Variants in ITPR1 observed in about 807,000 individuals in gnomAD.
ITPR1 encodes inositol 1,4,5-trisphosphate receptor type 1, also known as inositol 1,4,5-trisphosphate-gated calcium channel ITPR1.
ITPR1 carries 96 observed loss-of-function variants against 318.4 expected under a neutral mutation model. That is an observed-to-expected ratio of 0.30 (90% CI 0.26 to 0.36). The LOEUF (loss-of-function observed/expected upper bound fraction) is 0.36, where lower values mean the gene tolerates loss of function less well. ITPR1 is among the 10% of genes least tolerant of loss of function. The pLI is 1.00. For synonymous variants in ITPR1, 1,312 were observed against 1,289.9 expected (o/e 1.02, Z -0.37); for missense variants, 2,440 against 3,460.2 (o/e 0.71, Z 7.40).
intron 4 of ITPR1, among the ~76,000 whole-genome samples, chr3:4,603,480 A>T (rs2091455340): frequency 6.6e-6 from 1 of 151,928 alleles, no homozygotes; most frequent in Admixed American, 6.6e-5. Flanking sequence ...CCCAGGCTGG[A>T]GTGCAGTGGT....
chr3:4,596,736 C>T (rs1010586534), intron 4 of ITPR1, among the ~76,000 whole-genome samples: 3 of 152,336 alleles, frequency 2.0e-5, no homozygotes, highest in African/African-American at 7.2e-5. Context: ...GGTCTTCCCA[C>T]AGTCACCTTT....
chr3:4,820,602 C>T lies in ITPR1; in HGVS notation c.8028+2360C>T, dbSNP rs191075467. 2.1e-3 allele frequency among the ~76,000 whole-genome samples: 327 copies of T among 152,320 alleles called. 1 individual carries two copies. Among genetic ancestry groups the T allele is most frequent in the Non-Finnish European group, 3.8e-3 (258 of 68,032 alleles). On this transcript the variant is annotated intron_variant, in intron 60 of 61. Transcript: ENST00000649015. ...GGCCTGGGTGTTTGGTGTGCTTTCT[C>T]CATCCACATCATTCTTTGATTATAT...
chr3:4,584,099 G>A (rs1427618792), intron 4 of ITPR1, among the ~76,000 whole-genome samples: 2 of 151,820 alleles, frequency 1.3e-5, no homozygotes, highest in Non-Finnish European at 2.9e-5. Context: ...ACATAATTTT[G>A]CTCACGTTAA....
At chr3:4,620,640 G>A (rs1449663871) in intron 4 of ITPR1, among the ~76,000 whole-genome samples, 1 of 148,958 alleles carries the variant, frequency 6.7e-6, no homozygotes, top group African/African-American at 2.5e-5. Context: ...GGGTTTTGTA[G>A]AAGATGGAGT....
At chr3:4,523,507 A>C (rs1358471896) in intron 4 of ITPR1, among the ~76,000 whole-genome samples, 1 of 151,962 alleles carries the variant, frequency 6.6e-6, no homozygotes, top group African/African-American at 2.4e-5. Flanking sequence ...TGCTGTAGTC[A>C]CTGTGTTGTA....
intron 54 of ITPR1, among the ~76,000 whole-genome samples, chr3:4,803,417 A>G (rs2048365779): frequency 6.6e-6 from 1 of 152,212 alleles, no homozygotes; most frequent in Non-Finnish European, 1.5e-5. Flanking sequence ...GAGAAGAATA[A>G]TGTGGCCATC....
At chr3:4,645,806 A>G in intron 10 of ITPR1, 78 bp downstream of exon 10, 2 of 1,339,960 alleles carry the variant, frequency 1.5e-6, no homozygotes, top group Non-Finnish European at 1.0e-6. Flanking sequence ...TCTCTATCCT[A>G]CAAATATTCA....
chr3:4,612,416 G>C (rs1225372175), intron 4 of ITPR1, among the ~76,000 whole-genome samples: 1 of 152,010 alleles, frequency 6.6e-6, no homozygotes, highest in East Asian at 1.9e-4. Flanking sequence ...GGGGTGTCCT[G>C]GGCCCAATCC....
At chr3:4,662,462 C>T (rs1355547879) in intron 15 of ITPR1, among the ~76,000 whole-genome samples, 2 of 152,176 alleles carry the variant, frequency 1.3e-5, no homozygotes, top group East Asian at 1.9e-4. Flanking sequence ...GTGGCTCACA[C>T]CTGTAATCCC....
At position 4,673,244 on chromosome 3, in the gene ITPR1, C is replaced by T. The variant is rs371705815; in HGVS notation, c.2313C>T (p.Asp771=). 3.8e-5 allele frequency: 61 copies of T among 1,614,010 alleles called. No homozygotes were observed. Among genetic ancestry groups the T allele is most frequent in the African/African-American group, 8.0e-5 (6 of 75,050 alleles). ...ATCTCATTCTCCGCTGCATGTCTGA[C>T]GAGAACCTGCCCTATGACCTCAGGG... ...DVDLILRCMS[D]ENLPYDLRAS... is the part of the protein sequence containing the mutation. The change falls in exon 21 of 62, where the codon GAC becomes GAT. Residue 771 remains aspartate (D), a synonymous_variant. Coordinates refer to ENST00000649015, the MANE Select transcript of ITPR1 (RefSeq NM_001378452.1).
Position 4,564,456 on chromosome 3 carries a change from A to G in ITPR1, c.163+43362A>G, listed in dbSNP as rs2087008757. 1.3e-5 allele frequency among the ~76,000 whole-genome samples: 2 copies of G among 152,220 alleles called. 1 individual carries two copies. Among genetic ancestry groups the G allele is most frequent in the South Asian group, 4.1e-4 (2 of 4,828 alleles). On this transcript the variant is annotated intron_variant, in intron 4 of 61. Coordinates refer to ENST00000649015, the MANE Select transcript of ITPR1 (RefSeq NM_001378452.1). ...GGAATAGGTCCCACCCCGCTCCAGTATGGCCTCATCTTAACTAATGACAAC... is the reference window on the plus strand; with the variant it reads ...GGAATAGGTCCCACCCCGCTCCAGTGTGGCCTCATCTTAACTAATGACAAC...
At chr3:4,630,519 T>A (rs1294010015) in intron 5 of ITPR1, among the ~76,000 whole-genome samples, 1 of 102,000 alleles carries the variant, frequency 9.8e-6, no homozygotes, top group Non-Finnish European at 1.8e-5. Context: ...TTTTCTTATA[T>A]CAGATTTTTA....
chr3:4,639,821 A>G (rs1331381109), intron 6 of ITPR1, among the ~76,000 whole-genome samples: 1 of 152,160 alleles, frequency 6.6e-6, no homozygotes, highest in Non-Finnish European at 1.5e-5. Context: ...TAGCTTCCCT[A>G]TAACTTTTAT....
At chr3:4,770,839 T>C (rs1489900172) in intron 46 of ITPR1, among the ~76,000 whole-genome samples, 1 of 152,184 alleles carries the variant, frequency 6.6e-6, no homozygotes, top group Non-Finnish European at 1.5e-5. Context: ...TGATAACCTC[T>C]ATCTGAAGGC....
rs2051875718 is a variant in ITPR1 at position 4,847,505 on chromosome 3, G to A, written c.*1280G>A. On this transcript the variant is annotated 3_prime_UTR_variant, in exon 62 of 62. Transcript: ENST00000649015. ...TAATAAATGATGCAGAATATACAGT[G>A]ACTGGTTGGTGGCTTTCATTTGGCA... The A allele has an allele frequency of 6.6e-6, 1 of 152,146 alleles. No homozygotes were observed. Among genetic ancestry groups the A allele is most frequent in the South Asian group, 2.1e-4 (1 of 4,834 alleles). 9.4% of individuals were successfully genotyped at this position (152,146 alleles called of 1,614,324 possible). A position where few individuals can be genotyped will look rare whatever the true frequency, so the allele number is the denominator to read the frequency against.
chr3:4,577,512 G>T (rs1433515223), intron 4 of ITPR1, among the ~76,000 whole-genome samples: 1 of 152,202 alleles, frequency 6.6e-6, no homozygotes, highest in Non-Finnish European at 1.5e-5. Context: ...GGTCACTGAA[G>T]ATCTCCTAAA....
chr3:4,494,218 C>T (rs577558699), intron 1 of ITPR1, among the ~76,000 whole-genome samples: 1 of 152,228 alleles, frequency 6.6e-6, no homozygotes, highest in African/African-American at 2.4e-5. Context: ...TGCCTAGTCT[C>T]AATTGTCAGT....
chr3:4,652,336 C>A, intron 11 of ITPR1, 118 bp downstream of exon 11: 1 of 689,948 alleles, frequency 1.4e-6, no homozygotes, highest in Non-Finnish European at 2.5e-6. Context: ...AGTCACCTTG[C>A]TTTTCCTCCT....
intron 17 of ITPR1, among the ~76,000 whole-genome samples, chr3:4,665,568 C>T (rs972370190): frequency 6.6e-6 from 1 of 152,094 alleles, no homozygotes; most frequent in Non-Finnish European, 1.5e-5. Context: ...TTTTTTATGA[C>T]GTATTCCCTT....
Sources: allele counts gnomAD v4.1 joint callset (sites outside exome capture counted in the v4.1 genomes callset), GRCh38; gene constraint gnomAD v4.1.1; transcripts MANE v1.5; gene names NCBI Gene and HGNC (gene_info 2026-07-23, HGNC 2026-07-21).